The following APLF variants were observed in gnomAD, a reference collection of about 807,000 sequenced individuals.
APLF encodes aprataxin and PNK-like factor.
A neutral mutation model predicts 55.6 loss-of-function variants in APLF; 61 were observed. That is an observed-to-expected ratio of 1.10 (90% CI 0.89 to 1.36). APLF has a LOEUF of 1.36. Ranked by LOEUF, APLF falls within the 40% of genes most tolerant of loss-of-function variation. The pLI is 0.00. For synonymous variants in APLF, 207 were observed against 214.8 expected (o/e 0.96, Z 0.32); for missense variants, 611 against 602.5 (o/e 1.01, Z -0.15).
chr2:68,502,850 C>G lies in APLF; in HGVS notation c.288C>G (p.Tyr96Ter), dbSNP rs149894673. Residue 96 changes from tyrosine (Y) to a stop codon, truncating the protein, a stop_gained, in exon 3 of 10, where the codon TAC becomes TAG. Coordinates refer to ENST00000303795, the MANE Select transcript of APLF (RefSeq NM_173545.3). LOFTEE classifies it high-confidence loss of function. ...GCTTTTCTTTGTTAGTTGACAAATA[C>G]ATTTTCCGCATTCTCTCTATACCCT... is the stretch of plus-strand genomic sequence containing the variant. ...GDSFSLLVDK[Y>*]IFRILSIPSE... 1.2e-6 allele frequency: 2 copies of G among 1,606,616 alleles called. No individual in the cohort carries two copies. The highest frequency in any genetic ancestry group is 4.5e-5 in the East Asian group (2 of 44,202).
chr2:68,529,121 A>C lies in APLF; in HGVS notation c.804+2879A>C, dbSNP rs1482074936. 6 of 1,355,916 alleles carry C rather than the reference A, an allele frequency of 4.4e-6. No homozygotes were observed. Among genetic ancestry groups the C allele is most frequent in the Non-Finnish European group, 6.1e-6 (6 of 985,380 alleles). The allele number at this position is 1,355,916 out of a possible 1,614,324, so 84.0% of individuals were successfully genotyped here. The stretch of plus-strand genomic sequence containing the variant: ...GATCCTCACGGGGCTGAGGTATCCA[A>C]ACATCCTGGAGTTGCGAGCAGACAG... On this transcript the variant is annotated intron_variant, in intron 6 of 9. Coordinates refer to ENST00000303795, the MANE Select transcript of APLF (RefSeq NM_173545.3). This position sits in a 1 kb window ranked among gnomAD's most constrained non-coding sequence, Gnocchi z 4.4.
chr2:68,503,286 C>A (rs1376556712), intron 3 of APLF, among the ~76,000 whole-genome samples: 1 of 152,014 alleles, frequency 6.6e-6, no homozygotes, highest in East Asian at 1.9e-4. Context: ...TAACTTCTGA[C>A]TTACACTTGT....
At chr2:68,566,995 C>T (rs573755703) in intron 8 of APLF, among the ~76,000 whole-genome samples, 1 of 152,010 alleles carries the variant, frequency 6.6e-6, no homozygotes, top group African/African-American at 2.4e-5. Flanking sequence ...ATATTTGTGT[C>T]ATAGTTTTGG....
intron 6 of APLF, chr2:68,535,392 CCTT>C (rs1670358639): frequency 2.8e-6 from 1 of 354,882 alleles, no homozygotes; most frequent in East Asian, 9.8e-5. Flanking sequence ...TGGTTTGTAT[CCTT>C]CTAACTCTTT....
At chr2:68,489,563 A>C (rs1052284693) in intron 1 of APLF, among the ~76,000 whole-genome samples, 1 of 152,284 alleles carries the variant, frequency 6.6e-6, no homozygotes, top group African/African-American at 2.4e-5. Context: ...TGTTGGCTCA[A>C]AACAGGAAGC....
rs527741638 is a variant in APLF at position 68,553,010 on chromosome 2, A to G, written c.1286+7698A>G. Reference sequence around the variant, plus strand: ...TACTCTGCCTACTGCTTTAAAAATAAGGGGATGTAAACTAAGAAAGATTAA... The same window carrying G: ...TACTCTGCCTACTGCTTTAAAAATAGGGGGATGTAAACTAAGAAAGATTAA... On this transcript the variant is annotated intron_variant, in intron 8 of 9. Coordinates refer to ENST00000303795, the MANE Select transcript of APLF (RefSeq NM_173545.3). 3.9e-5 allele frequency among the ~76,000 whole-genome samples: 6 copies of G among 152,208 alleles called. No homozygotes were observed. The East Asian group carries it at 1.2e-3, about 29-fold the overall frequency.
At chr2:68,561,514 G>C (rs1671166686) in intron 8 of APLF, among the ~76,000 whole-genome samples, 1 of 152,100 alleles carries the variant, frequency 6.6e-6, no homozygotes, top group Admixed American at 6.6e-5. Flanking sequence ...ATTGACTAGA[G>C]CTAAGTGTCT....
chr2:68,560,915 T>C (rs10172974), intron 8 of APLF, among the ~76,000 whole-genome samples: 12,794 of 152,174 alleles, frequency 0.084, 603 homozygotes, highest in Middle Eastern at 0.12. Flanking sequence ...TAGAGTTACA[T>C]GCAAAAGGTA....
At position 68,579,489 on chromosome 2, in the gene APLF, C is replaced by T. The variant is rs1027365685; in HGVS notation, c.*1467C>T. On this transcript the variant is annotated 3_prime_UTR_variant, in exon 10 of 10. Coordinates refer to ENST00000303795, the MANE Select transcript of APLF (RefSeq NM_173545.3). ...AACATTTCCACATAAAAACTGTACA[C>T]AATGTCAATAGAAGCATTATTCTTA... 2.9e-5 allele frequency: 22 copies of T among 757,814 alleles called. No individual in the cohort carries two copies. In the African/African-American group the frequency reaches 3.8e-4, roughly 13 times the overall value. The allele number at this position is 757,814 out of a possible 1,614,324, so 46.9% of individuals were successfully genotyped here. A position where few individuals can be genotyped will look rare whatever the true frequency, so the allele number is the denominator to read the frequency against.
intron 6 of APLF, among the ~76,000 whole-genome samples, chr2:68,527,226 C>T (rs1670087857): frequency 6.6e-6 from 1 of 150,688 alleles, no homozygotes; most frequent in Non-Finnish European, 1.5e-5. Context: ...GGTGGCCAGG[C>T]AGAGGCGCTT....
chr2:68,494,725 C>T (rs1676486945), intron 2 of APLF, among the ~76,000 whole-genome samples: 1 of 152,238 alleles, frequency 6.6e-6, no homozygotes, highest in Non-Finnish European at 1.5e-5. Flanking sequence ...CATCATTCAC[C>T]TCCCACTTAT....
chr2:68,513,448 G>C, intron 4 of APLF, 100 bp from the exon 5 acceptor site: 1 of 1,357,376 alleles, frequency 7.4e-7, no homozygotes, highest in Non-Finnish European at 1.0e-6. Flanking sequence ...GTCTACAGTT[G>C]CATATGGGTA....
chr2:68,484,976 G>A (rs1676082700), intron 1 of APLF, among the ~76,000 whole-genome samples: 1 of 151,994 alleles, frequency 6.6e-6, no homozygotes, highest in Admixed American at 6.5e-5. Context: ...GTGTGTGTGT[G>A]TGTGTGCGCA....
intron 2 of APLF, among the ~76,000 whole-genome samples, chr2:68,491,930 G>T (rs1676373342): frequency 6.6e-6 from 1 of 152,062 alleles, no homozygotes; most frequent in Non-Finnish European, 1.5e-5. Context: ...TCAATGATAA[G>T]AAGAAACCCT....
chr2:68,551,468 C>A (rs1011131744), intron 8 of APLF, among the ~76,000 whole-genome samples: 1 of 151,952 alleles, frequency 6.6e-6, no homozygotes, highest in Admixed American at 6.6e-5. Flanking sequence ...TCTTGTACTC[C>A]AACTAAACAT....
At chr2:68,573,368 G>A (rs1288686713) in intron 9 of APLF, among the ~76,000 whole-genome samples, 1 of 152,098 alleles carries the variant, frequency 6.6e-6, no homozygotes, top group African/African-American at 2.4e-5. Context: ...AATGTTTGAT[G>A]TGTAGTTTAA....
At chr2:68,572,867 A>G (rs1467768693) in intron 9 of APLF, among the ~76,000 whole-genome samples, 1 of 152,136 alleles carries the variant, frequency 6.6e-6, no homozygotes, top group Non-Finnish European at 1.5e-5. Context: ...AAAACACTGC[A>G]ATTTGAAAAG....
intron 6 of APLF, chr2:68,528,754 A>T (rs200455091): frequency 0.033 from 48,470 of 1,490,570 alleles, 690 homozygotes; most frequent in Middle Eastern, 0.047. Context: ...TGGCGACTCC[A>T]TGGCCCTTGG....
chr2:68,518,383 A>G (rs1280432365), intron 5 of APLF, among the ~76,000 whole-genome samples: 3 of 103,754 alleles, frequency 2.9e-5, no homozygotes, highest in Non-Finnish European at 5.0e-5. Context: ...TGACTGTATT[A>G]TATTATTAAT....
Sources: allele counts gnomAD v4.1 joint callset (sites outside exome capture counted in the v4.1 genomes callset), GRCh38; gene constraint gnomAD v4.1.1; non-coding constraint Gnocchi (gnomAD v3.1); transcripts MANE v1.5; gene names NCBI Gene and HGNC (gene_info 2026-07-23, HGNC 2026-07-21).